The following PIWIL1 variants were observed in gnomAD, a reference collection of about 807,000 sequenced individuals.
The protein encoded by PIWIL1 is piwi-like protein 1.
Under a neutral mutation model 114.4 loss-of-function variants are expected in PIWIL1, and 73 were observed. That is an observed-to-expected ratio of 0.64 (90% CI 0.53 to 0.78). The LOEUF (loss-of-function observed/expected upper bound fraction) is 0.78, where lower values mean the gene tolerates loss of function less well. Among genes scored for constraint, PIWIL1 ranks in the 30% least tolerant of loss-of-function variants. The pLI, the probability that PIWIL1 is intolerant of heterozygous loss-of-function variation, is 0.00. For missense variants in PIWIL1, 723 were observed against 1,063.1 expected, an observed-to-expected ratio of 0.68 and a Z score of 4.45; for synonymous variants, 375 against 369.0, an observed-to-expected ratio of 1.02 and a Z score of -0.19.
At chr12:130,340,529 G>A (rs1362233550) in intron 1 of PIWIL1, among the ~76,000 whole-genome samples, 2 of 151,326 alleles carry the variant, frequency 1.3e-5, no homozygotes, top group Non-Finnish European at 2.9e-5. Flanking sequence ...GATCTAACAG[G>A]AGGTGAGCTC....
At chr12:130,366,937 G>T (rs2073676103) in intron 18 of PIWIL1, among the ~76,000 whole-genome samples, 196 bp from the exon 19 acceptor site, 1 of 152,134 alleles carries the variant, frequency 6.6e-6, no homozygotes, top group Non-Finnish European at 1.5e-5. Context: ...GTGCCATTTG[G>T]TTTCCCTCTC....
chr12:130,397,092 A>G, the PIWIL1 span: 1 of 252,044 alleles, frequency 4.0e-6, no homozygotes, highest in African/African-American at 2.2e-5. Flanking sequence ...GGTGATAGCT[A>G]TGCGCCCCCG....
In PIWIL1 at chr12:130,349,897, A is replaced by G. The variant is rs2073169188; in HGVS notation, c.974A>G (p.Asp325Gly). Reference sequence around the variant, plus strand: ...TACAGAGTGGATGATATTGACTGGGACCAGAATCCCAAGAGCACCTTTAAG... The same window carrying G: ...TACAGAGTGGATGATATTGACTGGGGCCAGAATCCCAAGAGCACCTTTAAG... ...KTYRVDDIDW[D>G]QNPKSTFKKA... The change falls in exon 9 of 21, where the codon GAC becomes GGC. Residue 325 changes from aspartate to glycine, a missense_variant. Physicochemically the swap from Asp to Gly is moderately conservative, Grantham distance 94. Coordinates refer to ENST00000245255, the MANE Select transcript of PIWIL1 (RefSeq NM_004764.5). The G allele has an allele frequency of 1.2e-6, 2 of 1,613,196 alleles. No individual in the cohort carries two copies. The highest frequency in any genetic ancestry group is 2.7e-5 in the African/African-American group (2 of 74,902).
At chr12:130,387,827 A>G in the PIWIL1 span, among the ~76,000 whole-genome samples, 1 of 152,224 alleles carries the variant, frequency 6.6e-6, no homozygotes, top group African/African-American at 2.4e-5. Context: ...ATTAATTACT[A>G]TTTATTTTTA....
the PIWIL1 span, among the ~76,000 whole-genome samples, chr12:130,410,980 A>G: frequency 2.0e-5 from 3 of 152,206 alleles, no homozygotes; most frequent in Non-Finnish European, 2.9e-5. Context: ...GTCCATGAAT[A>G]TGATCTCTCT....
At chr12:130,404,561 A>G in the PIWIL1 span, among the ~76,000 whole-genome samples, 3 of 152,212 alleles carry the variant, frequency 2.0e-5, no homozygotes, top group African/African-American at 7.2e-5. Context: ...CAGCCTCCGC[A>G]TGAGTCACCG....
At chr12:130,409,174 G>A in the PIWIL1 span, among the ~76,000 whole-genome samples, 1 of 152,064 alleles carries the variant, frequency 6.6e-6, no homozygotes, top group Non-Finnish European at 1.5e-5. Flanking sequence ...TTTACGTTGT[G>A]ATAAGCACAC....
chr12:130,346,288 T>C (rs1346861932), intron 4 of PIWIL1, 82 bp from the exon 5 acceptor site: 1 of 1,056,144 alleles, frequency 9.5e-7, no homozygotes, highest in African/African-American at 1.6e-5. Flanking sequence ...TACGGAACTG[T>C]GCCTGCCTTG....
chr12:130,360,035 A>C (rs2073466918), intron 14 of PIWIL1, among the ~76,000 whole-genome samples: 1 of 152,220 alleles, frequency 6.6e-6, no homozygotes, highest in African/African-American at 2.4e-5. Flanking sequence ...TGGGGTATCG[A>C]GTGCTAGGAT....
At chr12:130,391,062 C>T in the PIWIL1 span, among the ~76,000 whole-genome samples, 3 of 152,226 alleles carry the variant, frequency 2.0e-5, no homozygotes, top group Non-Finnish European at 2.9e-5. Context: ...TCGTGTGGAT[C>T]GCACTCCAGG....
intron 16 of PIWIL1, among the ~76,000 whole-genome samples, chr12:130,362,315 C>T (rs2073536783): frequency 6.6e-6 from 1 of 152,146 alleles, no homozygotes; most frequent in African/African-American, 2.4e-5. Flanking sequence ...TAAGTGAAAA[C>T]AGGTGGTATT....
At chr12:130,368,229 T>C (rs1213874608) in intron 19 of PIWIL1, among the ~76,000 whole-genome samples, 6 of 152,306 alleles carry the variant, frequency 3.9e-5, no homozygotes, top group African/African-American at 1.4e-4. Context: ...CAGCGAATCG[T>C]TGGGAGGACT....
chr12:130,416,584 C>G, the PIWIL1 span, among the ~76,000 whole-genome samples: 1 of 152,244 alleles, frequency 6.6e-6, no homozygotes, highest in Admixed American at 6.5e-5. Context: ...CAAGGTGGAT[C>G]AAAGATTTGA....
rs761282842 is a variant in PIWIL1, at chr12:130,356,925, A to G, written c.1412A>G (p.Tyr471Cys). ...KIHQGGKTFD[Y>C]NPQFADWSKE... is the part of the protein sequence containing the mutation. ...GTCTGAACTCTCTTCTAGTTTGATT[A>G]CAATCCACAATTTGCAGATTGGTCC... Residue 471 changes from tyrosine (Y) to cysteine (C), a missense_variant, in exon 13 of 21, where the codon TAC (tyrosine) becomes TGC (cysteine). Tyr to Cys is a radical substitution (Grantham distance 194, BLOSUM62 -2). Around this residue, in one of 8 missense-constraint regions of PIWIL1, gnomAD observed 298 missense variants for 420.8 expected, o/e 0.71. Coordinates refer to ENST00000245255, the MANE Select transcript of PIWIL1 (RefSeq NM_004764.5). The G allele has an allele frequency of 1.2e-5, 20 of 1,606,768 alleles. No homozygotes were observed. The highest frequency in any genetic ancestry group is 1.5e-5 in the Non-Finnish European group (18 of 1,175,552).
chr12:130,355,140 G>T (rs2136159402), intron 11 of PIWIL1, 135 bp downstream of exon 11: 2 of 689,822 alleles, frequency 2.9e-6, no homozygotes, highest in Non-Finnish European at 2.6e-6. Context: ...GGGTGGGCTT[G>T]TTCTTCGTGT....
intron 19 of PIWIL1, 140 bp from the exon 20 acceptor site, chr12:130,371,036 G>C: frequency 2.8e-6 from 2 of 706,058 alleles, no homozygotes; most frequent in Non-Finnish European, 4.9e-6. Context: ...GGACTTCAAG[G>C]AAGCACGTTA....
At chr12:130,406,059 G>T in the PIWIL1 span, 5 of 689,992 alleles carry the variant, frequency 7.2e-6, no homozygotes, top group Non-Finnish European at 1.3e-5. Context: ...ATCAGCAGGC[G>T]TATGACGTTC....
chr12:130,413,337 C>T, the PIWIL1 span, among the ~76,000 whole-genome samples: 2 of 152,200 alleles, frequency 1.3e-5, no homozygotes, highest in East Asian at 1.9e-4. Flanking sequence ...ACTCACAAGG[C>T]TCCTCTCCTC....
At chr12:130,407,797 C>T in the PIWIL1 span, 4 of 1,613,812 alleles carry the variant, frequency 2.5e-6, no homozygotes, top group Admixed American at 3.3e-5. Flanking sequence ...CGCGTCGATA[C>T]CGAATGACGC....
Sources: gnomAD v4.1 joint callset for allele counts (sites outside exome capture counted in the v4.1 genomes callset) on GRCh38, gnomAD v4.1.1 for gene constraint, gnomAD v4.1.1 regional missense constraint, MANE v1.5 for transcripts, NCBI Gene and HGNC (gene_info 2026-07-23, HGNC 2026-07-21) for gene names.